The following FARP2 variants were observed in gnomAD, a reference collection of about 807,000 sequenced individuals.
The protein encoded by FARP2 is FERM, ARH/RhoGEF and pleckstrin domain protein 2.
In FARP2, 111 loss-of-function variants were observed where a neutral mutation model predicts 130.5. That is an observed-to-expected ratio of 0.85 (90% CI 0.73 to 1.00). FARP2 has a LOEUF of 1.00. FARP2 is among the 50% of genes least tolerant of loss of function. The pLI is 0.00. For missense variants in FARP2, 1,385 were observed against 1,346.3 expected (o/e 1.03, Z -0.45); for synonymous variants, 504 against 516.9 (o/e 0.98, Z 0.34).
Position 241,434,333 on chromosome 2 carries a change from GC to G in FARP2, c.1031+14del. 1 of 1,581,080 alleles carries G rather than the reference GC, an allele frequency of 6.3e-7. No individual in the cohort carries two copies. The highest frequency in any genetic ancestry group is 1.2e-5 in the South Asian group (1 of 85,052). ...TCCTTCAGATACAGGTAGGGGCCAT[GC>G]CGTGGCTTGCATGGGCCCCTCACTG... On this transcript the variant is annotated intron_variant, in intron 10 of 26. Transcript: ENST00000264042.
intron 17 of FARP2, among the ~76,000 whole-genome samples, chr2:241,467,608 C>T (rs1211948414): frequency 2.0e-5 from 3 of 150,490 alleles, no homozygotes; most frequent in South Asian, 2.1e-4. Context: ...CACCACTGTA[C>T]GCCAGCCTGG....
chr2:241,392,168 A>G (rs1286002763), intron 2 of FARP2, among the ~76,000 whole-genome samples: 2 of 152,250 alleles, frequency 1.3e-5, no homozygotes, highest in Non-Finnish European at 2.9e-5. Flanking sequence ...GTGGGACCGG[A>G]ATGCCAGTGA....
At chr2:241,454,801 CAATG>C (rs2063788232) in intron 13 of FARP2, among the ~76,000 whole-genome samples, 1 of 152,202 alleles carries the variant, frequency 6.6e-6, no homozygotes, top group Non-Finnish European at 1.5e-5. Context: ...TTTTCTATAG[CAATG>C]AATGTTTCCT....
intron 8 of FARP2, among the ~76,000 whole-genome samples, chr2:241,427,309 CTA>C (rs763532709): frequency 2.0e-5 from 3 of 152,026 alleles, no homozygotes; most frequent in Non-Finnish European, 2.9e-5. Context: ...TACAGTAAAA[CTA>C]TGTGACGTTT....
At chr2:241,391,968 AAAG>A (rs2061916619) in intron 2 of FARP2, among the ~76,000 whole-genome samples, 1 of 152,248 alleles carries the variant, frequency 6.6e-6, no homozygotes, top group Non-Finnish European at 1.5e-5. Context: ...GGGAGATGCT[AAAG>A]AATATAGGAC....
At chr2:241,449,222 G>A (rs2063586515) in intron 13 of FARP2, among the ~76,000 whole-genome samples, 4 of 152,078 alleles carry the variant, frequency 2.6e-5, no homozygotes, top group African/African-American at 4.8e-5. Flanking sequence ...CTCTCAGGGA[G>A]GCAAGAGGCG....
Position 241,475,917 on chromosome 2 carries a change from A to C in FARP2, c.2192A>C (p.Glu731Ala), listed in dbSNP as rs749071422. 6.2e-7 allele frequency: 1 copy of C among 1,614,120 alleles called. No homozygotes were observed. The highest frequency in any genetic ancestry group is 1.1e-5 in the South Asian group (1 of 91,066). ...CTACAGCACATTCTCATCCGGCTGG[A>C]GAACCTGCAGAAGCTAACGGAGCTG... Reference protein sequence around the residue: ...TTLQHILIRLENLQKLTELQR... With the variant: ...TTLQHILIRLANLQKLTELQR... The change falls in exon 19 of 27, where the codon GAG becomes GCG. Residue 731 changes from glutamate to alanine, a missense_variant. Glu to Ala is a moderately radical substitution (Grantham distance 107). Coordinates refer to ENST00000264042, the MANE Select transcript of FARP2 (RefSeq NM_014808.4). This position sits in a 1 kb window ranked among gnomAD's most constrained non-coding sequence, Gnocchi z 4.4.
At chr2:241,401,814 C>T (rs570751270) in intron 2 of FARP2, among the ~76,000 whole-genome samples, 88 of 57,974 alleles carry the variant, frequency 1.5e-3, no homozygotes, top group Admixed American at 5.0e-3. Context: ...GACGGAGTTT[C>T]GCTCGTCGCC....
intron 2 of FARP2, among the ~76,000 whole-genome samples, chr2:241,392,336 A>T (rs2061926978): frequency 6.6e-6 from 1 of 152,170 alleles, no homozygotes; most frequent in Non-Finnish European, 1.5e-5. Context: ...ACAGGGTGCT[A>T]CTCCAGTGTC....
intron 7 of FARP2, among the ~76,000 whole-genome samples, chr2:241,415,065 A>G (rs984725156): frequency 1.4e-4 from 22 of 152,152 alleles, no homozygotes; most frequent in Admixed American, 1.3e-3. Flanking sequence ...GTTTTACTCC[A>G]TTGTACATAC....
At chr2:241,460,800 G>A (rs988468144) in intron 14 of FARP2, among the ~76,000 whole-genome samples, 4 of 152,216 alleles carry the variant, frequency 2.6e-5, no homozygotes, top group Non-Finnish European at 4.4e-5. Flanking sequence ...TGGTGGCAGG[G>A]CTGTGGGAGC....
chr2:241,453,542 A>C (rs1257564000), intron 13 of FARP2, among the ~76,000 whole-genome samples: 1 of 151,626 alleles, frequency 6.6e-6, no homozygotes, highest in Non-Finnish European at 1.5e-5. Flanking sequence ...GAATGGCATG[A>C]ACCTGGGAGG....
chr2:241,465,482 A>T, intron 17 of FARP2: 31 of 1,550,570 alleles, frequency 2.0e-5, no homozygotes, highest in Non-Finnish European at 2.7e-5. Context: ...CACGAAGGGC[A>T]TGTAGCAGGG....
Position 241,493,403 on chromosome 2 carries a change from C to T in FARP2, c.3006C>T (p.His1002=), listed in dbSNP as rs143353723. ...DYVFKLQFKS[H]VYFFRAESKY... ...TTTTCAAGCTCCAGTTCAAATCCCA[C>T]GTCTACTTCTTCCGGGCTGAGAGCA... The change falls in exon 26 of 27, where the codon CAC becomes CAT. Residue 1002 remains histidine, a synonymous_variant. Transcript: ENST00000264042. 173 of 1,613,822 alleles carry T rather than the reference C, an allele frequency of 1.1e-4. No homozygotes were observed. Among genetic ancestry groups the T allele is most frequent in the Non-Finnish European group, 1.2e-4 (147 of 1,179,996 alleles).
At chr2:241,411,245 A>T in intron 6 of FARP2, 115 bp downstream of exon 6, 1 of 698,776 alleles carries the variant, frequency 1.4e-6, no homozygotes. Flanking sequence ...CTGACCATAG[A>T]ATGAGGTGTT....
chr2:241,410,612 T>A lies in FARP2; in HGVS notation c.411-421T>A, dbSNP rs1171896647. Reference sequence around the variant, plus strand: ...GCCCAGGTGGTTTTTGCACTTTTTTTAGAGACAGGGTTTCACAGTGTTGGT... The same window carrying A: ...GCCCAGGTGGTTTTTGCACTTTTTTAAGAGACAGGGTTTCACAGTGTTGGT... On this transcript the variant is annotated intron_variant, in intron 5 of 26. Transcript: ENST00000264042. 2.6e-5 allele frequency among the ~76,000 whole-genome samples: 4 copies of A among 152,256 alleles called. No homozygotes were observed. The East Asian group carries it at 7.7e-4, about 29-fold the overall frequency.
chr2:241,368,714 C>G (rs528616275), intron 1 of FARP2, among the ~76,000 whole-genome samples: 13 of 152,164 alleles, frequency 8.5e-5, no homozygotes, highest in African/African-American at 3.1e-4. Flanking sequence ...TCAAGTGATC[C>G]TCCCACCTCA....
intron 2 of FARP2, among the ~76,000 whole-genome samples, chr2:241,380,707 G>T (rs1274834240): frequency 1.3e-5 from 2 of 149,864 alleles, no homozygotes; most frequent in African/African-American, 2.5e-5. Context: ...ATATTATATG[G>T]GATTATATTA....
At chr2:241,371,493 C>T (rs1014250500) in intron 1 of FARP2, among the ~76,000 whole-genome samples, 2 of 152,052 alleles carry the variant, frequency 1.3e-5, no homozygotes, top group African/African-American at 4.8e-5. Flanking sequence ...CCAAAAATAG[C>T]CGGGGGTTCT....
Sources: allele counts gnomAD v4.1 joint callset (sites outside exome capture counted in the v4.1 genomes callset), GRCh38; gene constraint gnomAD v4.1.1; non-coding constraint Gnocchi (gnomAD v3.1); transcripts MANE v1.5; gene names NCBI Gene and HGNC (gene_info 2026-07-23, HGNC 2026-07-21).